Variants in CPLX1 observed in about 807,000 individuals in gnomAD.
CPLX1 encodes the protein complexin-1.
CPLX1 carries 6 observed loss-of-function variants against 15.6 expected under a neutral mutation model. The observed-to-expected ratio is 0.39, with a 90% CI of 0.21 to 0.76. The LOEUF (loss-of-function observed/expected upper bound fraction) is 0.76, where lower values mean the gene tolerates loss of function less well. CPLX1 is among the 30% of genes least tolerant of loss of function. The pLI, the probability that CPLX1 is intolerant of heterozygous loss-of-function variation, is 0.43. For synonymous variants in CPLX1, 91 were observed against 75.2 expected (o/e 1.21, Z -1.08); for missense variants, 242 against 188.6 (o/e 1.28, Z -1.66).
At chr4:821,155 G>A (rs761875397) in intron 2 of CPLX1, among the ~76,000 whole-genome samples, 2 of 152,234 alleles carry the variant, frequency 1.3e-5, no homozygotes, top group Non-Finnish European at 2.9e-5. Context: ...CCCAGGCCAG[G>A]CTGTCGCCCC....
chr4:825,834 G>A (rs1403346514), intron 1 of CPLX1, among the ~76,000 whole-genome samples: 1 of 140,798 alleles, frequency 7.1e-6, no homozygotes, highest in African/African-American at 2.6e-5. Flanking sequence ...GGGGGGAGAA[G>A]CCGGAGCCGG....
intron 2 of CPLX1, among the ~76,000 whole-genome samples, chr4:813,320 A>G (rs1746696528): frequency 6.6e-6 from 1 of 152,132 alleles, no homozygotes; most frequent in Non-Finnish European, 1.5e-5. Context: ...AGAATAACAC[A>G]ACAAGAGAGG....
At chr4:797,510 T>TA (rs1746364474) in intron 2 of CPLX1, among the ~76,000 whole-genome samples, 1 of 152,166 alleles carries the variant, frequency 6.6e-6, no homozygotes, top group Admixed American at 6.5e-5. Flanking sequence ...GTATTTTTAA[T>TA]AGAGACGGGG....
intron 2 of CPLX1, among the ~76,000 whole-genome samples, chr4:807,764 G>GT (rs772388061): frequency 1.9e-4 from 29 of 152,094 alleles, no homozygotes; most frequent in Non-Finnish European, 4.0e-4. Context: ...AATTACAGGC[G>GT]TGAGCCACCT....
intron 2 of CPLX1, among the ~76,000 whole-genome samples, chr4:822,281 TC>T: frequency 7.8e-6 from 1 of 128,244 alleles, no homozygotes; most frequent in Non-Finnish European, 1.7e-5. Context: ...TCTGCCCTCT[TC>T]CTTTGTCTGT....
chr4:794,384 G>A (rs948121835), intron 2 of CPLX1, among the ~76,000 whole-genome samples: 5 of 152,242 alleles, frequency 3.3e-5, no homozygotes, highest in African/African-American at 1.2e-4. Context: ...GCCTATGCTA[G>A]GCACTTGGCT....
intron 2 of CPLX1, among the ~76,000 whole-genome samples, chr4:812,511 G>A (rs190661924): frequency 7.3e-4 from 111 of 152,296 alleles, no homozygotes; most frequent in Admixed American, 1.4e-3. Context: ...ATAAATCAAA[G>A]GGCGTCCATC....
chr4:816,704 C>CCCA (rs142797193), intron 2 of CPLX1, among the ~76,000 whole-genome samples: 2,313 of 152,000 alleles, frequency 0.015, 55 homozygotes, highest in African/African-American at 0.052. Context: ...CACCTATAGT[C>CCCA]CCAGTTATTC....
At position 785,508 on chromosome 4, in the gene CPLX1, C is replaced by G. The variant is rs551573965; in HGVS notation, c.*993G>C. The G allele has an allele frequency of 6.5e-6, 1 of 152,690 alleles. No homozygotes were observed. The highest frequency in any genetic ancestry group is 2.1e-4 in the South Asian group (1 of 4,828). 9.5% of individuals were successfully genotyped at this position (152,690 alleles called of 1,614,324 possible). A position where few individuals can be genotyped will look rare whatever the true frequency, so the allele number is the denominator to read the frequency against. On this transcript the variant is annotated 3_prime_UTR_variant, in exon 4 of 4. Coordinates refer to ENST00000304062, the MANE Select transcript of CPLX1 (RefSeq NM_006651.4). The stretch of plus-strand genomic sequence containing the variant: ...GCAAAGACCTCATTTACCTGAGATT[C>G]AACAAATTGTGATGCAAATTAAACA...
intron 2 of CPLX1, among the ~76,000 whole-genome samples, chr4:795,646 G>C (rs1412695305): frequency 2.0e-5 from 3 of 152,294 alleles, no homozygotes; most frequent in East Asian, 3.9e-4. Context: ...AGGTGGAGGC[G>C]GTGGGGGGGC....
chr4:811,888 G>A (rs1390693030), intron 2 of CPLX1, among the ~76,000 whole-genome samples: 2 of 152,178 alleles, frequency 1.3e-5, no homozygotes, highest in Non-Finnish European at 2.9e-5. Context: ...GCTGTCGGGT[G>A]TAGAAGCAGT....
At chr4:821,020 C>G (rs1216356455) in intron 2 of CPLX1, among the ~76,000 whole-genome samples, 1 of 152,172 alleles carries the variant, frequency 6.6e-6, no homozygotes, top group African/African-American at 2.4e-5. Flanking sequence ...TCACGCCAAA[C>G]CCAGGACCGC....
intron 2 of CPLX1, among the ~76,000 whole-genome samples, chr4:810,194 C>T (rs546346717): frequency 1.6e-4 from 25 of 152,058 alleles, no homozygotes; most frequent in East Asian, 1.2e-3. Flanking sequence ...GGATTACAGG[C>T]GCCTGCAACC....
At chr4:823,805 G>A (rs1023375007) in intron 2 of CPLX1, among the ~76,000 whole-genome samples, 3 of 152,268 alleles carry the variant, frequency 2.0e-5, no homozygotes, top group African/African-American at 4.8e-5. Context: ...CTTGGGTCAA[G>A]TGGGGACGAG....
At chr4:790,746 C>A (rs1345296889) in intron 3 of CPLX1, among the ~76,000 whole-genome samples, 1 of 152,116 alleles carries the variant, frequency 6.6e-6, no homozygotes, top group Non-Finnish European at 1.5e-5. Context: ...AGCCCACCAT[C>A]GCTTTGTGTC....
At chr4:800,766 T>TAC (rs1450949496) in intron 2 of CPLX1, among the ~76,000 whole-genome samples, 16 of 145,550 alleles carry the variant, frequency 1.1e-4, no homozygotes, top group South Asian at 2.2e-4. Flanking sequence ...CACACACATA[T>TAC]ACACACACAG....
chr4:800,720 C>A (rs1260366684), intron 2 of CPLX1, among the ~76,000 whole-genome samples: 3 of 63,826 alleles, frequency 4.7e-5, no homozygotes, highest in African/African-American at 1.8e-4. Context: ...AACCCCGTCT[C>A]TACTAAAAAA....
intron 2 of CPLX1, among the ~76,000 whole-genome samples, chr4:808,629 GCAT>G (rs1303835708): frequency 6.6e-6 from 1 of 152,194 alleles, no homozygotes; most frequent in African/African-American, 2.4e-5. Context: ...CATAAAACAG[GCAT>G]CAGGCAGCTG....
intron 2 of CPLX1, among the ~76,000 whole-genome samples, chr4:794,527 C>A (rs977871185): frequency 3.3e-5 from 5 of 152,208 alleles, no homozygotes; most frequent in Non-Finnish European, 7.3e-5. Flanking sequence ...TAGAGTTGCT[C>A]CTGGATTCTT....
Sources: gnomAD v4.1 joint callset for allele counts (sites outside exome capture counted in the v4.1 genomes callset) on GRCh38, gnomAD v4.1.1 for gene constraint, MANE v1.5 for transcripts, NCBI Gene and HGNC (gene_info 2026-07-23, HGNC 2026-07-21) for gene names.